SLCO1C1: variants seen among roughly 807,000 people sequenced by gnomAD.
The protein encoded by SLCO1C1 is solute carrier organic anion transporter family member 1C1, also known as OAT-RP-5.
In SLCO1C1, 70 loss-of-function variants were observed where a neutral mutation model predicts 76.4. The ratio of observed to expected loss-of-function variants is 0.92; its 90% CI spans 0.76 to 1.12. The LOEUF is 1.12. Ranked by LOEUF, SLCO1C1 falls within the 50% of genes most tolerant of loss-of-function variation. The pLI is 0.00. For missense variants in SLCO1C1, 912 were observed against 823.8 expected, an observed-to-expected ratio of 1.11 and a Z score of -1.31; for synonymous variants, 306 against 286.1, an observed-to-expected ratio of 1.07 and a Z score of -0.70.
At chr12:20,699,773 G>GAAGTTAGA (rs763969130) in intron 2 of SLCO1C1, 68 bp downstream of exon 2, 60 of 1,432,466 alleles carry the variant, frequency 4.2e-5, no homozygotes, top group Non-Finnish European at 5.4e-5. Flanking sequence ...TCTATATAAT[G>GAAGTTAGA]AAGTTAGAAT....
intron 7 of SLCO1C1, among the ~76,000 whole-genome samples, chr12:20,717,681 T>C (rs1349083481): frequency 1.7e-5 from 2 of 117,442 alleles, no homozygotes; most frequent in Non-Finnish European, 3.6e-5. Context: ...TTTTTTTTTT[T>C]TTTTTTTTTT....
intron 12 of SLCO1C1, among the ~76,000 whole-genome samples, chr12:20,741,343 C>G (rs1948808433): frequency 6.6e-6 from 1 of 152,060 alleles, no homozygotes. Context: ...TATGTAGCTT[C>G]TTGCATATTT....
At position 20,721,930 on chromosome 12, in the gene SLCO1C1, G is replaced by T. The variant is rs1337237495; in HGVS notation, c.902G>T (p.Arg301Ile). Residue 301 changes from arginine to isoleucine, a missense_variant, in exon 8 of 15, where the codon AGA (arginine) becomes ATA (isoleucine). By Grantham distance (97) the Arg-to-Ile change is moderately conservative. Coordinates refer to ENST00000266509, the MANE Select transcript of SLCO1C1 (RefSeq NM_017435.5). ...TGGTATTTACCAAAGAGTTTACCAA[G>T]ATCCCAAAGTAGAGAGGATTCTAAT... ...PFWYLPKSLP[R>I]SQSREDSNSS... The T allele has an allele frequency of 6.2e-7, 1 of 1,614,078 alleles. No homozygotes were observed. The highest frequency in any genetic ancestry group is 1.7e-5 in the Admixed American group (1 of 60,022).
chr12:20,717,295 G>C, intron 7 of SLCO1C1, 65 bp downstream of exon 7: 1 of 1,286,468 alleles, frequency 7.8e-7, no homozygotes, highest in Non-Finnish European at 1.1e-6. Context: ...AATGGGAACA[G>C]TGTGGAAATT....
At chr12:20,748,589 AGT>A (rs950691280) in intron 13 of SLCO1C1, among the ~76,000 whole-genome samples, 18 of 152,258 alleles carry the variant, frequency 1.2e-4, no homozygotes, top group Admixed American at 1.0e-3. Context: ...TGTCTTCTAT[AGT>A]GTTTTATTTT....
chr12:20,746,222 G>A (rs891648830), intron 13 of SLCO1C1, among the ~76,000 whole-genome samples: 3 of 152,198 alleles, frequency 2.0e-5, no homozygotes, highest in Middle Eastern at 6.8e-3. Context: ...AGTAGCAACC[G>A]TAGTAACAAT....
intron 12 of SLCO1C1, among the ~76,000 whole-genome samples, chr12:20,740,638 C>T (rs2138332): frequency 0.44 from 65,669 of 150,894 alleles, 16,997 homozygotes; most frequent in South Asian, 0.63. Flanking sequence ...TTAATAAATA[C>T]AGTATCCTAC....
At chr12:20,734,541 C>G (rs1452709952) in intron 10 of SLCO1C1, among the ~76,000 whole-genome samples, 5 of 152,270 alleles carry the variant, frequency 3.3e-5, no homozygotes, top group African/African-American at 1.2e-4. Context: ...ATTATATCCT[C>G]AAAACACCTT....
At chr12:20,719,378 A>T (rs1055727695) in intron 7 of SLCO1C1, among the ~76,000 whole-genome samples, 1 of 152,126 alleles carries the variant, frequency 6.6e-6, no homozygotes, top group African/African-American at 2.4e-5. Context: ...TGTTTAAGTG[A>T]AAGGAAGAGT....
Position 20,709,661 on chromosome 12 carries a change from C to T in SLCO1C1, c.405-1725C>T. Among the ~76,000 whole-genome samples, 2 of 15,644 alleles carry T rather than the reference C, an allele frequency of 1.3e-4. 1 individual carries two copies. The highest frequency in any genetic ancestry group is 3.9e-4 in the Non-Finnish European group (2 of 5,162). 10.3% of individuals were successfully genotyped at this position (15,644 alleles called of 152,430 possible). A position where few individuals can be genotyped will look rare whatever the true frequency, so the allele number is the denominator to read the frequency against. ...CTTTGGGAGGCCGAGGCGGGTGGAT[C>T]ATGAGGTCAGGAGATCGAGACCATC... is the stretch of plus-strand genomic sequence containing the variant. On this transcript the variant is annotated intron_variant, in intron 4 of 14. Transcript: ENST00000266509.
chr12:20,740,798 T>TATATATATATATATATATATATAC (rs1359000626), intron 12 of SLCO1C1, among the ~76,000 whole-genome samples: 2 of 122,952 alleles, frequency 1.6e-5, no homozygotes, highest in Non-Finnish European at 3.5e-5. Flanking sequence ...TATATATATA[T>TATATATATATATATATATATATAC]ATATATATAT....
chr12:20,719,603 T>C (rs1423828894), intron 7 of SLCO1C1, among the ~76,000 whole-genome samples: 2 of 152,160 alleles, frequency 1.3e-5, no homozygotes, highest in Non-Finnish European at 2.9e-5. Context: ...AAAGTTTTAG[T>C]AGTCTGGAGA....
At chr12:20,703,979 GT>G (rs1946652923) in intron 3 of SLCO1C1, among the ~76,000 whole-genome samples, 2 of 144,984 alleles carry the variant, frequency 1.4e-5, no homozygotes, top group Non-Finnish European at 3.1e-5. Flanking sequence ...GTGTGTGTGT[GT>G]GTGTGTGCAT....
chr12:20,745,918 G>A (rs1259605281), intron 13 of SLCO1C1, among the ~76,000 whole-genome samples: 2 of 151,958 alleles, frequency 1.3e-5, no homozygotes, highest in Non-Finnish European at 2.9e-5. Flanking sequence ...TTAAAATAAT[G>A]TGTATTTTAT....
At chr12:20,707,941 T>G (rs1055004250) in intron 4 of SLCO1C1, among the ~76,000 whole-genome samples, 1 of 152,176 alleles carries the variant, frequency 6.6e-6, no homozygotes, top group African/African-American at 2.4e-5. Context: ...GAGGATATAT[T>G]TGTTTATTTA....
intron 7 of SLCO1C1, among the ~76,000 whole-genome samples, chr12:20,721,021 C>CTT (rs1045924237): frequency 7.9e-6 from 1 of 127,100 alleles, no homozygotes; most frequent in African/African-American, 3.0e-5. Flanking sequence ...AAAAAAAAAG[C>CTT]TTAAACAGAT....
chr12:20,747,034 C>T (rs146442596), intron 13 of SLCO1C1, among the ~76,000 whole-genome samples: 77 of 152,030 alleles, frequency 5.1e-4, no homozygotes, highest in African/African-American at 1.4e-3. Context: ...AATGACATAG[C>T]GGTCATGTTT....
chr12:20,715,517 C>T lies in SLCO1C1; in HGVS notation c.676+232C>T, dbSNP rs75869156. Among the ~76,000 whole-genome samples the T allele has an allele frequency of 0.024, 3,618 of 152,214 alleles. 142 individuals carry two copies. Among genetic ancestry groups the T allele is most frequent in the African/African-American group, 0.082 (3,396 of 41,524 alleles). On this transcript the variant is annotated intron_variant, in intron 6 of 14. Transcript: ENST00000266509. ...ACATCAGATTAAAAGAAAATAACTG[C>T]GAGCTTAGCTGCAATGACGTATGAC...
At chr12:20,750,625 C>T (rs1274493748) in intron 13 of SLCO1C1, 50 bp from the exon 14 acceptor site, 2 of 1,535,650 alleles carry the variant, frequency 1.3e-6, no homozygotes, top group Admixed American at 1.7e-5. Flanking sequence ...CGTTCATAGA[C>T]AAAAAGATGT....
Sources: allele counts gnomAD v4.1 joint callset (sites outside exome capture counted in the v4.1 genomes callset), GRCh38; gene constraint gnomAD v4.1.1; transcripts MANE v1.5; gene names NCBI Gene and HGNC (gene_info 2026-07-23, HGNC 2026-07-21).